The following RBFOX1 variants were observed in gnomAD, a reference collection of about 807,000 sequenced individuals.
RBFOX1 encodes RNA binding protein fox-1 homolog 1.
In RBFOX1, 8 loss-of-function variants were observed where a neutral mutation model predicts 57.7. The ratio of observed to expected loss-of-function variants is 0.14; its 90% CI spans 0.08 to 0.25. RBFOX1 has a LOEUF of 0.25. Among genes scored for constraint, RBFOX1 ranks in the 10% least tolerant of loss-of-function variants. RBFOX1 has a pLI of 1.00. For missense variants in RBFOX1, 611 were observed against 548.5 expected, an observed-to-expected ratio of 1.11 and a Z score of -1.14; for synonymous variants, 326 against 222.4, an observed-to-expected ratio of 1.47 and a Z score of -4.15.
intron 3 of RBFOX1, among the ~76,000 whole-genome samples, chr16:6,969,828 C>G (rs999057769): frequency 3.9e-5 from 6 of 152,066 alleles, no homozygotes; most frequent in Admixed American, 3.3e-4. Context: ...CTCGTTCTGG[C>G]CCTAATTCTG....
chr16:6,639,080 G>C (rs1441157828), intron 2 of RBFOX1, among the ~76,000 whole-genome samples: 1 of 152,204 alleles, frequency 6.6e-6, no homozygotes, highest in African/African-American at 2.4e-5. Flanking sequence ...GTTTCACTCA[G>C]AGCAGCAGCC....
chr16:5,716,324 G>C (rs968395834), intron 3 of RBFOX1, among the ~76,000 whole-genome samples: 2 of 152,184 alleles, frequency 1.3e-5, no homozygotes, highest in African/African-American at 4.8e-5. Flanking sequence ...ACTTATGGGA[G>C]ATTGTTGTAC....
chr16:6,226,380 A>AAAG lies in RBFOX1; in HGVS notation c.-126-90613_-126-90612insGAA, dbSNP rs1363305830. On this transcript the variant is annotated intron_variant, in intron 1 of 15. Transcript: ENST00000550418. ...AAGAGTGAAACTCTGTCTCCAAAAA[A>AAAG]AAAAAAAAAAACAAAAAAATATTTC... Among the ~76,000 whole-genome samples, 1,295 of 150,528 alleles carry AAAG rather than the reference A, an allele frequency of 8.6e-3. 25 individuals are homozygous for AAAG. The highest frequency in any genetic ancestry group is 0.014 in the Middle Eastern group (4 of 292).
chr16:6,964,383 T>C (rs532290376), intron 3 of RBFOX1, among the ~76,000 whole-genome samples: 1 of 152,270 alleles, frequency 6.6e-6, no homozygotes, highest in African/African-American at 2.4e-5. Flanking sequence ...ATCTGTGTCG[T>C]TATATATTGG....
At chr16:6,657,596 A>G (rs992700201) in intron 3 of RBFOX1, among the ~76,000 whole-genome samples, 1 of 152,172 alleles carries the variant, frequency 6.6e-6, no homozygotes, top group African/African-American at 2.4e-5. Flanking sequence ...CACTGGAGTG[A>G]TGACAGTTGC....
chr16:5,863,141 A>C (rs1382221525), intron 3 of RBFOX1, among the ~76,000 whole-genome samples: 1 of 152,188 alleles, frequency 6.6e-6, no homozygotes, highest in East Asian at 1.9e-4. Flanking sequence ...TCAGTTGAAA[A>C]GGAATCACGT....
intron 3 of RBFOX1, among the ~76,000 whole-genome samples, chr16:6,783,346 A>G (rs991926571): frequency 1.1e-4 from 15 of 139,756 alleles, no homozygotes; most frequent in Admixed American, 3.6e-4. Flanking sequence ...CTTCCTTTCT[A>G]TATAAGCAAT....
At chr16:6,273,021 A>G (rs1048080205) in intron 1 of RBFOX1, among the ~76,000 whole-genome samples, 12 of 152,138 alleles carry the variant, frequency 7.9e-5, no homozygotes, top group African/African-American at 2.9e-4. Context: ...GCACTTTGGG[A>G]GGCTGAGGCA....
Position 6,468,615 on chromosome 16 carries a change from C to CT in RBFOX1, c.-64+151569dup, listed in dbSNP as rs59365759. Reference sequence around the variant, plus strand: ...CATCTGTTAAGTAGCCCTTAAATGACTTTTTTTTTTTGCCTTTGCAAAAAC... The same window carrying CT: ...CATCTGTTAAGTAGCCCTTAAATGACTTTTTTTTTTTTGCCTTTGCAAAAAC... On this transcript the variant is annotated intron_variant, in intron 2 of 15. Transcript: ENST00000550418. Among the ~76,000 whole-genome samples the CT allele has an allele frequency of 7.8e-3, 1,133 of 145,356 alleles. 8 individuals carry two copies. Among genetic ancestry groups the CT allele is most frequent in the African/African-American group, 0.025 (983 of 40,004 alleles).
At chr16:6,408,415 T>A (rs2093356524) in intron 2 of RBFOX1, among the ~76,000 whole-genome samples, 1 of 152,170 alleles carries the variant, frequency 6.6e-6, no homozygotes. Context: ...GTTAGTGTTT[T>A]TTAATAGACT....
rs116382138 is a variant in RBFOX1 at position 6,117,483 on chromosome 16, C to T, written c.-127+97491C>T. ...GATGTGATAGGATTAAGAGGTGTGG[C>T]CATTCAGATGCCATTAGGCCAGAAT... On this transcript the variant is annotated intron_variant, in intron 1 of 15. Coordinates refer to ENST00000550418, the MANE Select transcript of RBFOX1 (RefSeq NM_018723.4). 6.9e-3 allele frequency among the ~76,000 whole-genome samples: 1,046 copies of T among 152,344 alleles called. 14 individuals are homozygous for T. Among genetic ancestry groups the T allele is most frequent in the African/African-American group, 0.024 (1,007 of 41,588 alleles).
At chr16:6,932,145 C>G (rs140083525) in intron 3 of RBFOX1, among the ~76,000 whole-genome samples, 1 of 152,144 alleles carries the variant, frequency 6.6e-6, no homozygotes, top group Non-Finnish European at 1.5e-5. Flanking sequence ...CATCTGTCAC[C>G]CAGCCTGGAG....
rs182594480 is a variant in RBFOX1, at chr16:5,729,152, T to G, written c.318+130191T>G. ...GACTTTGGAAACTGGGAGACCTAAT[T>G]CTGTCACTTACAAACTGTGTGTCTT... On this transcript the variant is annotated intron_variant, in intron 3 of 19. Coordinates refer to the RBFOX1 transcript ENST00000641259. 2.6e-3 allele frequency among the ~76,000 whole-genome samples: 392 copies of G among 152,342 alleles called. 1 individual carries two copies. The highest frequency in any genetic ancestry group is 4.2e-3 in the Admixed American group (64 of 15,310).
downstream of RBFOX1, among the ~76,000 whole-genome samples, chr16:5,601,931 A>G (rs577942895): frequency 1.2e-4 from 19 of 152,264 alleles, no homozygotes; most frequent in Non-Finnish European, 8.8e-5. Flanking sequence ...AACCTCACTC[A>G]TGGAGGCTGA....
rs946326356 is a variant in RBFOX1, at chr16:7,346,776, T to C, written c.28-171371T>C. 1.1e-4 allele frequency among the ~76,000 whole-genome samples: 16 copies of C among 152,150 alleles called. 1 individual carries two copies. Among genetic ancestry groups the C allele is most frequent in the Admixed American group, 7.2e-4 (11 of 15,276 alleles). ...AGACCCATAAGATTCATGAGACCCATACGATCATGTGGGTTGATGATCTCC... is the reference window on the plus strand; with the variant it reads ...AGACCCATAAGATTCATGAGACCCACACGATCATGTGGGTTGATGATCTCC... On this transcript the variant is annotated intron_variant, in intron 4 of 15. Coordinates refer to ENST00000550418, the MANE Select transcript of RBFOX1 (RefSeq NM_018723.4).
At chr16:6,807,459 C>T (rs927807229) in intron 3 of RBFOX1, among the ~76,000 whole-genome samples, 17 of 152,062 alleles carry the variant, frequency 1.1e-4, no homozygotes, top group Non-Finnish European at 1.8e-4. Context: ...GTTGGAGTAG[C>T]ACACAGGGCT....
intron 3 of RBFOX1, among the ~76,000 whole-genome samples, chr16:5,835,971 G>C (rs1314617766): frequency 2.0e-5 from 3 of 152,208 alleles, no homozygotes; most frequent in Non-Finnish European, 4.4e-5. Context: ...AGGAAGAAGA[G>C]AGCTCAGGAG....
chr16:6,922,043 A>T (rs1429561883), intron 3 of RBFOX1, among the ~76,000 whole-genome samples: 1 of 152,186 alleles, frequency 6.6e-6, no homozygotes, highest in African/African-American at 2.4e-5. Flanking sequence ...TGCTGTTACC[A>T]ACTGGCAGCT....
At chr16:7,101,693 T>G (rs2062719886) in intron 4 of RBFOX1, among the ~76,000 whole-genome samples, 1 of 152,094 alleles carries the variant, frequency 6.6e-6, no homozygotes, top group Non-Finnish European at 1.5e-5. Flanking sequence ...GGCATTCAAG[T>G]AGGGTGATTT....
Sources: gnomAD v4.1 joint callset for allele counts (sites outside exome capture counted in the v4.1 genomes callset) on GRCh38, gnomAD v4.1.1 for gene constraint, MANE v1.5 for transcripts, NCBI Gene and HGNC (gene_info 2026-07-23, HGNC 2026-07-21) for gene names.